Variants in SMARCC2 observed in about 807,000 individuals in gnomAD.
SMARCC2 encodes the protein SWI/SNF related BAF chromatin remodeling complex subunit C2.
A neutral mutation model predicts 151.3 loss-of-function variants in SMARCC2; 15 were observed. That is an observed-to-expected ratio of 0.10 (90% CI 0.07 to 0.15). The LOEUF (loss-of-function observed/expected upper bound fraction) is 0.15. SMARCC2 is among the 10% of genes least tolerant of loss of function. The probability of loss-of-function intolerance (pLI) is 1.00; values close to 1 mark genes in which losing one functional copy is unlikely to be tolerated. For synonymous variants in SMARCC2, 590 were observed against 609.5 expected (o/e 0.97, Z 0.47); for missense variants, 1,031 against 1,599.7 (o/e 0.64, Z 6.06).
chr12:56,169,752 C>T, intron 24 of SMARCC2, 24 bp downstream of exon 24: 4 of 1,614,098 alleles, frequency 2.5e-6, no homozygotes, highest in Non-Finnish European at 3.4e-6. Flanking sequence ...CCTGCACCCC[C>T]ACCTACCCTT....
At position 56,182,590 on chromosome 12, in the gene SMARCC2, T is replaced by C. The variant is rs529739413; in HGVS notation, c.633-511A>G. 1.9e-4 allele frequency among the ~76,000 whole-genome samples: 29 copies of C among 151,678 alleles called. No individual in the cohort carries two copies. The South Asian group carries it at 6.1e-3, about 32-fold the overall frequency. ...CACCCACCTCGGCCTCTCAAAGTGC[T>C]GGGATTACAGGCATGAGACACCGCG... is the stretch of plus-strand genomic sequence containing the variant. On this transcript the variant is annotated intron_variant, in intron 7 of 28. Coordinates refer to ENST00000550164, the MANE Select transcript of SMARCC2 (RefSeq NM_001330288.2).
At position 56,180,933 on chromosome 12, in the gene SMARCC2, A is replaced by C. The variant is rs749475741; in HGVS notation, c.1081+44T>G. ...TGGGGTTTGGCAAAGGAGAGTCAAG[A>C]CGGGGAGTGGGGGTGGATCCCAGGA... On this transcript the variant is annotated intron_variant, in intron 11 of 28. Coordinates refer to ENST00000550164, the MANE Select transcript of SMARCC2 (RefSeq NM_001330288.2). 96 of 1,577,898 alleles carry C rather than the reference A, an allele frequency of 6.1e-5. No homozygotes were observed. The Admixed American group carries it at 6.1e-4, about 10-fold the overall frequency.
chr12:56,176,005 C>G (rs565744197), intron 15 of SMARCC2, among the ~76,000 whole-genome samples: 1 of 151,990 alleles, frequency 6.6e-6, no homozygotes, highest in Non-Finnish European at 1.5e-5. Flanking sequence ...ATTACAGGTG[C>G]GTGCCTCCAC....
chr12:56,188,979 C>A (rs932210643), intron 1 of SMARCC2, among the ~76,000 whole-genome samples: 2 of 152,082 alleles, frequency 1.3e-5, no homozygotes, highest in Admixed American at 6.5e-5. Context: ...CTGGCGGGCA[C>A]GCTCCGGGTT....
In SMARCC2 at chr12:56,181,797, A is replaced by G; in HGVS notation, c.747T>C (p.Asn249=). Residue 249 remains asparagine (N), a synonymous_variant, in exon 9 of 29, where the codon AAT becomes AAC. Coordinates refer to ENST00000550164, the MANE Select transcript of SMARCC2 (RefSeq NM_001330288.2). ...AKWILDTDTF[N]EWMNEEDYEV... ...CATAGTCTTCCTCATTCATCCATTC[A>G]TTGAAGGTGTCGGTGTCCAGGATCC... The G allele has an allele frequency of 2.5e-6, 4 of 1,614,070 alleles. No homozygotes were observed. Among genetic ancestry groups the G allele is most frequent in the Non-Finnish European group, 2.5e-6 (3 of 1,179,996 alleles).
At position 56,182,004 on chromosome 12, in the gene SMARCC2, C is replaced by A; in HGVS notation, c.708G>T (p.Lys236Asn). The A allele has an allele frequency of 6.2e-7, 1 of 1,609,416 alleles. No individual in the cohort carries two copies. ...AAGAGGGGATACAAGAAAAGCTCACCTTCCTAGGTTTCTCAGGAGTTGGAG... is the reference window on the plus strand; with the variant it reads ...AAGAGGGGATACAAGAAAAGCTCACATTCCTAGGTTTCTCAGGAGTTGGAG... Reference protein sequence around the residue: ...EDAPTPEKPRKVHAKWILDTD... With the variant: ...EDAPTPEKPRNVHAKWILDTD... Residue 236 changes from lysine to asparagine, a missense_variant and splice_region_variant, in exon 8 of 29, where the codon AAG becomes AAT. Transcript: ENST00000550164.
chr12:56,187,800 G>C (rs1320424768), intron 1 of SMARCC2, among the ~76,000 whole-genome samples: 2 of 152,192 alleles, frequency 1.3e-5, no homozygotes, highest in African/African-American at 4.8e-5. Flanking sequence ...GAGTGAGCTT[G>C]TGCATTTTGC....
At chr12:56,188,607 T>C (rs1352957617) in intron 1 of SMARCC2, among the ~76,000 whole-genome samples, 1 of 152,186 alleles carries the variant, frequency 6.6e-6, no homozygotes, top group Non-Finnish European at 1.5e-5. Context: ...GTTATGGGGT[T>C]TGGGTGTGAG....
chr12:56,169,939 G>C (rs1274348084), intron 23 of SMARCC2, 28 bp from the exon 24 acceptor site: 1 of 1,606,854 alleles, frequency 6.2e-7, no homozygotes, highest in East Asian at 2.2e-5. Context: ...GAAAAGGAGA[G>C]TTATCAGGGA....
At chr12:56,166,751 G>A (rs997745968) in intron 26 of SMARCC2, among the ~76,000 whole-genome samples, 4 of 151,842 alleles carry the variant, frequency 2.6e-5, no homozygotes, top group African/African-American at 4.8e-5. Flanking sequence ...CACCACGCCC[G>A]GCTAATTTGT....
chr12:56,188,896 TTC>T (rs1877798710), intron 1 of SMARCC2, among the ~76,000 whole-genome samples: 1 of 151,966 alleles, frequency 6.6e-6, no homozygotes, highest in African/African-American at 2.4e-5. Context: ...CTGCTTTCCA[TTC>T]TCTCTCTCTG....
chr12:56,175,510 A>G (rs1874769619), intron 15 of SMARCC2, among the ~76,000 whole-genome samples: 1 of 152,320 alleles, frequency 6.6e-6, no homozygotes, highest in South Asian at 2.1e-4. Context: ...TCGAATTTTT[A>G]AACCTCAGTT....
At chr12:56,183,584 T>C (rs1040180849) in intron 7 of SMARCC2, 1 of 333,236 alleles carries the variant, frequency 3.0e-6, no homozygotes, top group Non-Finnish European at 5.6e-6. Context: ...TGAAACATTT[T>C]CCTACTGTTA....
At position 56,164,428 on chromosome 12, in the gene SMARCC2, G is replaced by A. The variant is rs758456548; in HGVS notation, c.3536C>T (p.Pro1179Leu). The change falls in exon 28 of 29, where the codon CCG becomes CTG. Residue 1179 changes from proline to leucine, a missense_variant. Pro to Leu is a moderately conservative substitution (Grantham distance 98). This residue lies in a region of SMARCC2 where 310 missense variants were observed against 350.0 expected (regional missense o/e 0.89). Transcript: ENST00000550164. ...GGAAGATGGCATGGTGGTGGTCGCC[G>A]GCAGGTTAGGATGTAGAGGGTTCGC... ...SMANPLHPNL[P>L]ATTTMPSSLP... 9.9e-6 allele frequency: 16 copies of A among 1,613,946 alleles called. No homozygotes were observed. Among genetic ancestry groups the A allele is most frequent in the Middle Eastern group, 1.6e-4 (1 of 6,084 alleles).
At position 56,181,312 on chromosome 12, in the gene SMARCC2, C is replaced by T. The variant is rs1166276032; in HGVS notation, c.956+170G>A. The T allele has an allele frequency of 9.3e-6, 6 of 648,506 alleles. No individual in the cohort carries two copies. The South Asian group carries it at 1.1e-4, about 12-fold the overall frequency. The allele number at this position is 648,506 out of a possible 1,614,324, so 40.2% of individuals were successfully genotyped here. A position where few individuals can be genotyped will look rare whatever the true frequency, so the allele number is the denominator to read the frequency against. On this transcript the variant is annotated intron_variant, in intron 10 of 28. Coordinates refer to ENST00000550164, the MANE Select transcript of SMARCC2 (RefSeq NM_001330288.2). ...TGTACTAGTGGGGCCAGAACCAGAA[C>T]TAACAACTGAGCAGCTAAAGATCTC...
chr12:56,173,880 A>C (rs892746694), intron 16 of SMARCC2, 31 bp from the exon 17 acceptor site: 1 of 1,592,540 alleles, frequency 6.3e-7, no homozygotes, highest in Non-Finnish European at 8.6e-7. Context: ...ACAGGGTCAC[A>C]CGGATAGCCA....
chr12:56,185,842 G>C, intron 3 of SMARCC2: 1 of 330,186 alleles, frequency 3.0e-6, no homozygotes, highest in South Asian at 5.8e-5. Context: ...ACATCACCTG[G>C]GATCTGAGGT....
chr12:56,187,135 T>C (rs1877410216), intron 2 of SMARCC2, 52 bp downstream of exon 2: 13 of 1,547,668 alleles, frequency 8.4e-6, no homozygotes, highest in Middle Eastern at 1.7e-4. Context: ...CTCTTCAGTT[T>C]GAAGGATTCA....
Position 56,174,632 on chromosome 12 carries a change from C to T in SMARCC2, c.1496+19G>A, listed in dbSNP as rs745752909. 1.3e-6 allele frequency: 2 copies of T among 1,545,958 alleles called. No homozygotes were observed. The highest frequency in any genetic ancestry group is 1.7e-5 in the Admixed American group (1 of 59,858). On this transcript the variant is annotated intron_variant, in intron 16 of 28. Coordinates refer to ENST00000550164, the MANE Select transcript of SMARCC2 (RefSeq NM_001330288.2). Reference sequence around the variant, plus strand: ...CAGGCATCCTCATGTACCCCCTTCCCCTCAGCCACAAGACCCACCTCATGA... The same window carrying T: ...CAGGCATCCTCATGTACCCCCTTCCTCTCAGCCACAAGACCCACCTCATGA...
Sources: allele counts gnomAD v4.1 joint callset (sites outside exome capture counted in the v4.1 genomes callset), GRCh38; gene constraint gnomAD v4.1.1; regional missense constraint gnomAD v4.1.1; transcripts MANE v1.5; gene names NCBI Gene and HGNC (gene_info 2026-07-23, HGNC 2026-07-21).